SLCO3A1: variants seen among roughly 807,000 people sequenced by gnomAD.
SLCO3A1 encodes PGE1 transporter.
Under a neutral mutation model 63.1 loss-of-function variants are expected in SLCO3A1, and 27 were observed. That is an observed-to-expected ratio of 0.43 (90% CI 0.32 to 0.59). The LOEUF is 0.59. SLCO3A1 is among the 20% of genes least tolerant of loss of function. The probability of loss-of-function intolerance (pLI) is 0.09; values close to 1 mark genes in which losing one functional copy is unlikely to be tolerated. For synonymous variants in SLCO3A1, 473 were observed against 409.9 expected, an observed-to-expected ratio of 1.15 and a Z score of -1.86; for missense variants, 773 against 945.8, an observed-to-expected ratio of 0.82 and a Z score of 2.40.
At chr15:92,020,269 TATCCATCCATCC>T (rs992430801) in intron 2 of SLCO3A1, among the ~76,000 whole-genome samples, 3 of 152,128 alleles carry the variant, frequency 2.0e-5, no homozygotes, top group East Asian at 1.9e-4. Flanking sequence ...ATCTGTACTC[TATCCATCCATCC>T]ATCCATCCAT....
At chr15:91,944,827 CTCTT>C (rs1473888754) in intron 2 of SLCO3A1, among the ~76,000 whole-genome samples, 4 of 152,182 alleles carry the variant, frequency 2.6e-5, no homozygotes, top group African/African-American at 4.8e-5. Context: ...CCCTCTCTCT[CTCTT>C]TCTCTCCCCC....
intron 1 of SLCO3A1, among the ~76,000 whole-genome samples, chr15:91,870,963 G>T (rs182499820): frequency 6.6e-6 from 1 of 151,790 alleles, no homozygotes; most frequent in Non-Finnish European, 1.5e-5. Context: ...AAGATCTTTT[G>T]GGGGGTATCT....
In SLCO3A1 at chr15:91,940,498, G is replaced by T. The variant is rs193251828; in HGVS notation, c.646+24040G>T. Among the ~76,000 whole-genome samples, 28 of 152,320 alleles carry T rather than the reference G, an allele frequency of 1.8e-4. No individual in the cohort carries two copies. The East Asian group carries it at 4.8e-3, about 26-fold the overall frequency. ...TCACAGTGCCAAGGGGCCTTTCTGT[G>T]CTTACAGAAATGAATCAGTTGGCAT... On this transcript the variant is annotated intron_variant, in intron 2 of 9. Coordinates refer to ENST00000318445, the MANE Select transcript of SLCO3A1 (RefSeq NM_013272.4).
rs1212228300 is a variant in SLCO3A1 at position 91,885,082 on chromosome 15, C to T, written c.181-30911C>T. On this transcript the variant is annotated intron_variant, in intron 1 of 9. Transcript: ENST00000318445. The surrounding 1 kb of genome is among the most constrained non-coding windows in gnomAD (Gnocchi z 4.7). ...TTTAGAAGTAAAAAGCCTTTCCGTC[C>T]CATATAGGGACACAGAAAGGAGGTG... Among the ~76,000 whole-genome samples the T allele has an allele frequency of 6.6e-6, 1 of 152,128 alleles. No homozygotes were observed. Among genetic ancestry groups the T allele is most frequent in the Non-Finnish European group, 1.5e-5 (1 of 68,034 alleles).
chr15:91,933,720 T>A (rs149410955), intron 2 of SLCO3A1, among the ~76,000 whole-genome samples: 1 of 152,332 alleles, frequency 6.6e-6, no homozygotes, highest in East Asian at 1.9e-4. Flanking sequence ...TGGGGGTATG[T>A]ACTATTATTA....
intron 9 of SLCO3A1, chr15:92,161,957 C>G (rs950111045): frequency 1.5e-5 from 2 of 133,074 alleles, no homozygotes; most frequent in East Asian, 3.9e-4. Context: ...AGTATGCCGG[C>G]GCTGTGCAGT....
At chr15:91,994,221 C>A (rs1343751018) in intron 2 of SLCO3A1, among the ~76,000 whole-genome samples, 1 of 152,174 alleles carries the variant, frequency 6.6e-6, no homozygotes, top group African/African-American at 2.4e-5. Flanking sequence ...AATAATAACC[C>A]ATGAATCCTC....
chr15:91,913,483 T>C (rs1011294838), intron 1 of SLCO3A1, among the ~76,000 whole-genome samples: 1 of 152,202 alleles, frequency 6.6e-6, no homozygotes, highest in Admixed American at 6.5e-5. Context: ...TTTTTAGTGC[T>C]CCCCGAGTGC....
In SLCO3A1 at chr15:91,941,657, G is replaced by T; in HGVS notation, c.646+25199G>T. On this transcript the variant is annotated intron_variant, in intron 2 of 9. Coordinates refer to ENST00000318445, the MANE Select transcript of SLCO3A1 (RefSeq NM_013272.4). This position sits in a 1 kb window ranked among gnomAD's most constrained non-coding sequence, Gnocchi z 4.4. ...ATGGGTTTTGTACTTTTTCTTACTC[G>T]GGATGTTTGTTTCTCTTTGTCTTTA... 1 of 391,550 alleles carries T rather than the reference G, an allele frequency of 2.6e-6. No individual in the cohort carries two copies. Among genetic ancestry groups the T allele is most frequent in the Non-Finnish European group, 5.0e-6 (1 of 199,368 alleles). The allele number at this position is 391,550 out of a possible 1,614,324, so 24.3% of individuals were successfully genotyped here. A position where few individuals can be genotyped will look rare whatever the true frequency, so the allele number is the denominator to read the frequency against.
Position 92,163,959 on chromosome 15 carries a change from C to T in SLCO3A1, c.*824C>T, listed in dbSNP as rs541476211. On this transcript the variant is annotated 3_prime_UTR_variant, in exon 10 of 10. Transcript: ENST00000318445. ...GTAGGCCTCGCCTGGCTATGACTGACCCGGCTCAGAGCTGGTGAGACCCAA... is the reference window on the plus strand; with the variant it reads ...GTAGGCCTCGCCTGGCTATGACTGATCCGGCTCAGAGCTGGTGAGACCCAA... 3 of 985,482 alleles carry T rather than the reference C, an allele frequency of 3.0e-6. No homozygotes were observed. Among genetic ancestry groups the T allele is most frequent in the African/African-American group, 3.5e-5 (2 of 57,360 alleles). 61.0% of individuals were successfully genotyped at this position (985,482 alleles called of 1,614,324 possible). A position where few individuals can be genotyped will look rare whatever the true frequency, so the allele number is the denominator to read the frequency against.
intron 9 of SLCO3A1, 161 bp from the exon 10 acceptor site, chr15:92,162,595 C>A: frequency 1.7e-6 from 2 of 1,187,618 alleles, no homozygotes; most frequent in Non-Finnish European, 2.3e-6. Flanking sequence ...AAAGGCAGAA[C>A]TGGGACACAA....
chr15:91,950,162 G>T lies in SLCO3A1; in HGVS notation c.646+33704G>T, dbSNP rs1899950333. Among the ~76,000 whole-genome samples the T allele has an allele frequency of 6.6e-6, 1 of 152,244 alleles. No homozygotes were observed. Among genetic ancestry groups the T allele is most frequent in the Admixed American group, 6.5e-5 (1 of 15,286 alleles). On this transcript the variant is annotated intron_variant, in intron 2 of 9. Coordinates refer to ENST00000318445, the MANE Select transcript of SLCO3A1 (RefSeq NM_013272.4). The surrounding 1 kb of genome is among the most constrained non-coding windows in gnomAD (Gnocchi z 4.4). ...GAAGCTGCCCCTGGGGAAGAAAGTT[G>T]TAACAGGCAGAGGAAGCAGCTGGAA...
chr15:92,016,559 G>A (rs1484824962), intron 2 of SLCO3A1, among the ~76,000 whole-genome samples: 1 of 152,190 alleles, frequency 6.6e-6, no homozygotes, highest in African/African-American at 2.4e-5. Context: ...GGTAGGTAGT[G>A]TGCAGCACGG....
chr15:91,980,295 C>G lies in SLCO3A1; in HGVS notation c.646+63837C>G, dbSNP rs556465820. On this transcript the variant is annotated intron_variant, in intron 2 of 9. Coordinates refer to ENST00000318445, the MANE Select transcript of SLCO3A1 (RefSeq NM_013272.4). ...ATTCATTCGCTTCAAATTTATTTTA[C>G]TGTGCTGGGTGTAGAGGTAACACAG... 5.3e-5 allele frequency among the ~76,000 whole-genome samples: 8 copies of G among 152,102 alleles called. No individual in the cohort carries two copies. The East Asian group carries it at 1.6e-3, about 29-fold the overall frequency.
intron 2 of SLCO3A1, among the ~76,000 whole-genome samples, chr15:91,926,791 G>C (rs539980874): frequency 2.6e-5 from 4 of 152,122 alleles, no homozygotes; most frequent in Non-Finnish European, 4.4e-5. Context: ...TGTGCCTTGC[G>C]GGAGTCGGGG....
chr15:92,165,370 A>G lies in SLCO3A1; in HGVS notation c.*2235A>G. On this transcript the variant is annotated 3_prime_UTR_variant, in exon 10 of 10. Coordinates refer to ENST00000318445, the MANE Select transcript of SLCO3A1 (RefSeq NM_013272.4). ...TCCTAAGGCTTTGATAATATCCTGT[A>G]CAGATTTTGGTTTAGTTTTGCAAAT... 1 of 985,274 alleles carries G rather than the reference A, an allele frequency of 1.0e-6. No individual in the cohort carries two copies. The highest frequency in any genetic ancestry group is 1.7e-5 in the African/African-American group (1 of 57,350). 61.0% of individuals were successfully genotyped at this position (985,274 alleles called of 1,614,324 possible).
intron 1 of SLCO3A1, among the ~76,000 whole-genome samples, chr15:91,899,591 A>C (rs978346376): frequency 2.0e-5 from 3 of 152,034 alleles, no homozygotes; most frequent in Non-Finnish European, 4.4e-5. Context: ...ATTTCTGTGC[A>C]TTGTCTTTTT....
intron 2 of SLCO3A1, among the ~76,000 whole-genome samples, chr15:92,056,494 C>T (rs929919598): frequency 6.6e-6 from 1 of 152,230 alleles, no homozygotes; most frequent in Non-Finnish European, 1.5e-5. Context: ...CTCCTTCCAT[C>T]ATTTGTCACT....
rs117046215 is a variant in SLCO3A1 at position 91,955,100 on chromosome 15, C to T, written c.646+38642C>T. 7.0e-3 allele frequency among the ~76,000 whole-genome samples: 1,064 copies of T among 152,264 alleles called. 10 individuals are homozygous for T. Among genetic ancestry groups the T allele is most frequent in the Non-Finnish European group, 0.012 (785 of 68,020 alleles). The stretch of plus-strand genomic sequence containing the variant: ...ATCCTCACACTGTGAGCCACTGTTG[C>T]AGGTGCTCCACAAACATTCCCACCT... On this transcript the variant is annotated intron_variant, in intron 2 of 9. Coordinates refer to ENST00000318445, the MANE Select transcript of SLCO3A1 (RefSeq NM_013272.4).
Sources: allele counts gnomAD v4.1 joint callset (sites outside exome capture counted in the v4.1 genomes callset), GRCh38; gene constraint gnomAD v4.1.1; non-coding constraint Gnocchi (gnomAD v3.1); transcripts MANE v1.5; gene names NCBI Gene and HGNC (gene_info 2026-07-23, HGNC 2026-07-21).